Variants in CPNE4 observed in about 807,000 individuals in gnomAD.
CPNE4 encodes copine-4.
In CPNE4, 25 loss-of-function variants were observed where a neutral mutation model predicts 67.9. The ratio of observed to expected loss-of-function variants is 0.37; its 90% confidence interval spans 0.27 to 0.51. The LOEUF is 0.51. Ranked by LOEUF, CPNE4 falls within the 20% of genes least tolerant of loss-of-function variation. The probability of loss-of-function intolerance (pLI) is 0.93; values close to 1 mark genes in which losing one functional copy is unlikely to be tolerated. For synonymous variants in CPNE4, 242 were observed against 244.9 expected, an observed-to-expected ratio of 0.99 and a Z score of 0.11; for missense variants, 464 against 690.8, an observed-to-expected ratio of 0.67 and a Z score of 3.68.
chr3:131,792,707 A>G (rs766922767), intron 2 of CPNE4, among the ~76,000 whole-genome samples: 3,181 of 80,072 alleles, frequency 0.04, 639 homozygotes, highest in Non-Finnish European at 0.058. Flanking sequence ...ATATACACAC[A>G]CGTGTATATA....
intron 7 of CPNE4, among the ~76,000 whole-genome samples, chr3:131,588,950 C>T (rs1037264716): frequency 6.6e-6 from 1 of 152,172 alleles, no homozygotes; most frequent in African/African-American, 2.4e-5. Flanking sequence ...TGTTAATTCC[C>T]TGCTTAAAAT....
intron 1 of CPNE4, among the ~76,000 whole-genome samples, chr3:131,982,823 CTT>C (rs1369029607): frequency 6.6e-6 from 1 of 151,834 alleles, no homozygotes; most frequent in African/African-American, 2.4e-5. Flanking sequence ...AATAAGGAAA[CTT>C]TAAATTGGCT....
intron 2 of CPNE4, among the ~76,000 whole-genome samples, chr3:131,873,215 A>G (rs1398503072): frequency 6.6e-6 from 1 of 152,150 alleles, no homozygotes; most frequent in East Asian, 1.9e-4. Context: ...TCCCAGTCCC[A>G]AGGGTGAACA....
chr3:131,859,725 C>T (rs1346624562), intron 2 of CPNE4, among the ~76,000 whole-genome samples: 3 of 152,214 alleles, frequency 2.0e-5, no homozygotes, highest in Non-Finnish European at 4.4e-5. Flanking sequence ...CACTGAATTA[C>T]ATCCACTGCA....
At chr3:131,640,983 G>T (rs2107794217) in intron 7 of CPNE4, among the ~76,000 whole-genome samples, 1 of 152,224 alleles carries the variant, frequency 6.6e-6, no homozygotes, top group South Asian at 2.1e-4. Context: ...AATGAAATTG[G>T]ATCCTCGTCT....
intron 2 of CPNE4, among the ~76,000 whole-genome samples, chr3:131,868,030 T>C (rs2087031753): frequency 6.6e-6 from 1 of 152,170 alleles, no homozygotes; most frequent in Non-Finnish European, 1.5e-5. Context: ...ATAGTAGTAA[T>C]GATATTCTAA....
At chr3:131,646,753 C>G (rs1437913609) in intron 7 of CPNE4, among the ~76,000 whole-genome samples, 1 of 152,062 alleles carries the variant, frequency 6.6e-6, no homozygotes, top group Non-Finnish European at 1.5e-5. Flanking sequence ...AAATAAAAAA[C>G]AATGCTAGGA....
intron 2 of CPNE4, among the ~76,000 whole-genome samples, chr3:131,775,920 A>G (rs2083279785): frequency 6.6e-6 from 1 of 152,194 alleles, no homozygotes; most frequent in South Asian, 2.1e-4. Flanking sequence ...ATAAAGGCAC[A>G]AGAAATGCAC....
At chr3:131,678,402 C>A (rs138529884) in intron 6 of CPNE4, among the ~76,000 whole-genome samples, 3 of 152,158 alleles carry the variant, frequency 2.0e-5, no homozygotes, top group Non-Finnish European at 1.5e-5. Flanking sequence ...TAGACTTCCT[C>A]TCTTCCTATT....
At chr3:131,700,644 T>C (rs1178937184) in intron 3 of CPNE4, among the ~76,000 whole-genome samples, 1 of 152,188 alleles carries the variant, frequency 6.6e-6, no homozygotes, top group Non-Finnish European at 1.5e-5. Flanking sequence ...GACAAGGCAT[T>C]GAAGCCATGA....
chr3:131,570,126 G>T (rs1319272953), intron 10 of CPNE4, among the ~76,000 whole-genome samples: 1 of 151,376 alleles, frequency 6.6e-6, no homozygotes, highest in East Asian at 1.9e-4. Flanking sequence ...TAAATACTAT[G>T]ATAATAAATA....
chr3:131,908,181 A>T (rs2107782843), intron 1 of CPNE4, among the ~76,000 whole-genome samples: 1 of 152,278 alleles, frequency 6.6e-6, no homozygotes, highest in South Asian at 2.1e-4. Context: ...GTACAGAGTC[A>T]TACATCCCTT....
chr3:131,893,376 A>C (rs911606815), intron 2 of CPNE4, among the ~76,000 whole-genome samples: 2 of 152,026 alleles, frequency 1.3e-5, no homozygotes, highest in Non-Finnish European at 2.9e-5. Flanking sequence ...CAGTAATCGT[A>C]GGAGGCTTCA....
At chr3:131,981,913 TCA>T (rs994407816) in intron 1 of CPNE4, among the ~76,000 whole-genome samples, 3 of 152,176 alleles carry the variant, frequency 2.0e-5, no homozygotes, top group African/African-American at 7.2e-5. Context: ...CTTGGATCAC[TCA>T]CAGTTTTGGG....
chr3:131,973,827 G>A (rs2072571202), intron 1 of CPNE4, among the ~76,000 whole-genome samples: 1 of 152,170 alleles, frequency 6.6e-6, no homozygotes, highest in Non-Finnish European at 1.5e-5. Context: ...GGAAGAATAG[G>A]AATAACGTCA....
At chr3:131,736,516 A>G (rs112637418) in intron 2 of CPNE4, among the ~76,000 whole-genome samples, 14 of 147,764 alleles carry the variant, frequency 9.5e-5, no homozygotes, top group African/African-American at 3.5e-4. Context: ...GCTACTCGGG[A>G]GGCTGAGGCA....
At chr3:131,622,254 C>A (rs1288403262) in intron 7 of CPNE4, among the ~76,000 whole-genome samples, 1 of 152,098 alleles carries the variant, frequency 6.6e-6, no homozygotes, top group Non-Finnish European at 1.5e-5. Context: ...TTTTACCTCA[C>A]TTATTTACTC....
At chr3:131,658,716 G>T (rs2080044436) in intron 7 of CPNE4, among the ~76,000 whole-genome samples, 1 of 152,158 alleles carries the variant, frequency 6.6e-6, no homozygotes, top group Non-Finnish European at 1.5e-5. Context: ...GGATTGTTCT[G>T]CCAAGCATCT....
chr3:131,689,525 C>A (rs1474004739), intron 5 of CPNE4, among the ~76,000 whole-genome samples: 1 of 152,040 alleles, frequency 6.6e-6, no homozygotes, highest in Non-Finnish European at 1.5e-5. Context: ...AAACCCTCAA[C>A]AAACTAGGCA....
Sources: allele counts gnomAD v4.1 joint callset (sites outside exome capture counted in the v4.1 genomes callset), GRCh38; gene constraint gnomAD v4.1.1; transcripts MANE v1.5; gene names NCBI Gene and HGNC (gene_info 2026-07-23, HGNC 2026-07-21).